CSMD1: variants seen among roughly 807,000 people sequenced by gnomAD.
CSMD1 encodes the protein CUB and sushi domain-containing protein 1.
In CSMD1, 213 loss-of-function variants were observed where a neutral mutation model predicts 417.5. The observed-to-expected ratio is 0.51, with a 90% CI of 0.46 to 0.57. The LOEUF is 0.57. Among genes scored for constraint, CSMD1 ranks in the 20% least tolerant of loss-of-function variants. CSMD1 has a pLI of 0.00. For missense variants in CSMD1, 6,923 were observed against 4,529.7 expected, an observed-to-expected ratio of 1.53 and a Z score of -15.17; for synonymous variants, 2,862 against 1,736.8, an observed-to-expected ratio of 1.65 and a Z score of -16.11.
intron 1 of CSMD1, among the ~76,000 whole-genome samples, chr8:4,943,658 C>G (rs961131526): frequency 3.6e-4 from 55 of 152,204 alleles, no homozygotes; most frequent in African/African-American, 1.3e-3. Context: ...CCAAGTTATC[C>G]TATCTAGAAC....
At chr8:3,872,334 C>A (rs948301095) in intron 5 of CSMD1, among the ~76,000 whole-genome samples, 1 of 152,016 alleles carries the variant, frequency 6.6e-6, no homozygotes, top group Non-Finnish European at 1.5e-5. Flanking sequence ...TCCCAGCTTT[C>A]CCCCGGCAAA....
chr8:3,644,980 A>AAAAC (rs999127704), intron 7 of CSMD1, among the ~76,000 whole-genome samples: 1 of 151,098 alleles, frequency 6.6e-6, no homozygotes, highest in African/African-American at 2.4e-5. Flanking sequence ...AAAAAAAAAA[A>AAAAC]AAAAAAAAAA....
Position 4,287,451 on chromosome 8 carries a change from G to A in CSMD1, c.415+132502C>T, listed in dbSNP as rs188612511. Among the ~76,000 whole-genome samples the A allele has an allele frequency of 2.3e-3, 357 of 152,162 alleles. 2 individuals are homozygous for A. Among genetic ancestry groups the A allele is most frequent in the African/African-American group, 8.3e-3 (343 of 41,540 alleles). On this transcript the variant is annotated intron_variant, in intron 3 of 69. Coordinates refer to ENST00000635120, the MANE Select transcript of CSMD1 (RefSeq NM_033225.6). ...TACCCTTTCTTACGTCCAATATTGA[G>A]TAATATTAGAAATGACAAGCCCAGG...
At chr8:4,292,046 G>T (rs183094685) in intron 3 of CSMD1, among the ~76,000 whole-genome samples, 2 of 152,066 alleles carry the variant, frequency 1.3e-5, no homozygotes, top group South Asian at 2.1e-4. Context: ...TAATAATGGA[G>T]GTTTGGACAC....
intron 1 of CSMD1, among the ~76,000 whole-genome samples, chr8:4,917,233 T>A (rs558849641): frequency 1.1e-3 from 175 of 152,268 alleles, no homozygotes; most frequent in African/African-American, 4.0e-3. Flanking sequence ...CTGTGAACTC[T>A]ATCATGAGAC....
chr8:4,640,381 T>C (rs991582372), intron 1 of CSMD1, among the ~76,000 whole-genome samples: 2 of 152,208 alleles, frequency 1.3e-5, no homozygotes, highest in Admixed American at 1.3e-4. Flanking sequence ...CTGCATCTTA[T>C]TATAAAGCCA....
At chr8:3,250,364 C>A (rs576866174) in intron 26 of CSMD1, among the ~76,000 whole-genome samples, 3 of 152,186 alleles carry the variant, frequency 2.0e-5, no homozygotes, top group Non-Finnish European at 4.4e-5. Context: ...CAGCTTCATC[C>A]CTGTCCCTAC....
chr8:4,735,724 C>G (rs867531721), intron 1 of CSMD1, among the ~76,000 whole-genome samples: 1 of 152,118 alleles, frequency 6.6e-6, no homozygotes, highest in Non-Finnish European at 1.5e-5. Context: ...TCCCTAATAT[C>G]TCCCTAATAA....
chr8:4,865,237 T>G (rs937907883), intron 1 of CSMD1, among the ~76,000 whole-genome samples: 2 of 151,830 alleles, frequency 1.3e-5, no homozygotes, highest in African/African-American at 2.4e-5. Context: ...ATTAAATACT[T>G]GTACCAACAT....
At chr8:3,584,392 T>C (rs535755991) in intron 9 of CSMD1, among the ~76,000 whole-genome samples, 2 of 152,268 alleles carry the variant, frequency 1.3e-5, no homozygotes, top group African/African-American at 4.8e-5. Context: ...AGTGGGACAC[T>C]TGAATTGACG....
chr8:4,764,872 CAAA>C (rs1194894751), intron 1 of CSMD1, among the ~76,000 whole-genome samples: 3 of 50,942 alleles, frequency 5.9e-5, no homozygotes, highest in African/African-American at 2.5e-4. Flanking sequence ...GACTCCATCT[CAAA>C]AAAAAAAAAA....
intron 2 of CSMD1, among the ~76,000 whole-genome samples, chr8:4,605,619 C>T (rs1464856320): frequency 1.3e-5 from 2 of 152,166 alleles, no homozygotes. Context: ...TAACCATGAC[C>T]TTTCCTAGTA....
chr8:4,338,748 G>A (rs557466414), intron 3 of CSMD1, among the ~76,000 whole-genome samples: 44 of 151,956 alleles, frequency 2.9e-4, no homozygotes, highest in African/African-American at 3.6e-4. Context: ...ATTCATAAGC[G>A]AATATTAAAT....
At chr8:3,575,549 T>G (rs968100988) in intron 9 of CSMD1, among the ~76,000 whole-genome samples, 1 of 152,208 alleles carries the variant, frequency 6.6e-6, no homozygotes, top group African/African-American at 2.4e-5. Flanking sequence ...CAATAAATTG[T>G]GTCTTTTCAA....
At position 3,214,535 on chromosome 8, in the gene CSMD1, C is replaced by A; in HGVS notation, c.4829G>T (p.Gly1610Val). 1 of 1,600,146 alleles carries A rather than the reference C, an allele frequency of 6.2e-7. No homozygotes were observed. The highest frequency in any genetic ancestry group is 2.2e-5 in the East Asian group (1 of 44,488). Reference protein sequence around the residue: ...SSITCVIGADGKPSWDQVLPS... With the variant: ...SSITCVIGADVKPSWDQVLPS... ...CAGCACTTGGTCCCAGGAGGGTTTC[C>A]CATCAGCCCCAATCACACAGGTGAT... The change falls in exon 30 of 70, where the codon GGG becomes GTG. Residue 1610 changes from glycine (G) to valine (V), a missense_variant. Coordinates refer to ENST00000635120, the MANE Select transcript of CSMD1 (RefSeq NM_033225.6).
intron 1 of CSMD1, among the ~76,000 whole-genome samples, chr8:4,797,827 A>G (rs1215918719): frequency 2.0e-5 from 3 of 152,212 alleles, no homozygotes; most frequent in East Asian, 1.9e-4. Context: ...CAAAAAATGT[A>G]TAATTATCAA....
At chr8:3,807,503 C>G (rs1431554798) in intron 5 of CSMD1, among the ~76,000 whole-genome samples, 2 of 152,080 alleles carry the variant, frequency 1.3e-5, no homozygotes, top group South Asian at 2.1e-4. Context: ...ATGAATGCAG[C>G]ATTACCAGGG....
chr8:4,989,293 T>A (rs1011426745), intron 1 of CSMD1, among the ~76,000 whole-genome samples: 2 of 151,836 alleles, frequency 1.3e-5, no homozygotes, highest in East Asian at 1.9e-4. Context: ...AAAAAAAAAA[T>A]CTGCCCCTGG....
chr8:3,716,119 G>T lies in CSMD1; in HGVS notation c.932-7628C>A, dbSNP rs77631615. On this transcript the variant is annotated intron_variant, in intron 6 of 69. Coordinates refer to ENST00000635120, the MANE Select transcript of CSMD1 (RefSeq NM_033225.6). ...AAGCACTTTCTGCCCTTTGCTTCCA[G>T]AACTCCACCCTGTTTGGGTTCCTTC... is the stretch of plus-strand genomic sequence containing the variant. 3.9e-3 allele frequency among the ~76,000 whole-genome samples: 595 copies of T among 152,262 alleles called. 7 individuals carry two copies. The highest frequency in any genetic ancestry group is 0.013 in the African/African-American group (558 of 41,544).
Sources: gnomAD v4.1 joint callset for allele counts (sites outside exome capture counted in the v4.1 genomes callset) on GRCh38, gnomAD v4.1.1 for gene constraint, MANE v1.5 for transcripts, NCBI Gene and HGNC (gene_info 2026-07-23, HGNC 2026-07-21) for gene names.